The following VPS13D variants were observed in gnomAD, a reference collection of about 807,000 sequenced individuals.
VPS13D encodes intermembrane lipid transfer protein VPS13D.
Under a neutral mutation model 461.9 loss-of-function variants are expected in VPS13D, and 187 were observed. The ratio of observed to expected loss-of-function variants is 0.40; its 90% CI spans 0.36 to 0.46. The LOEUF is 0.46. VPS13D is among the 20% of genes least tolerant of loss of function. The pLI, the probability that VPS13D is intolerant of heterozygous loss-of-function variation, is 0.60. For synonymous variants in VPS13D, 1,951 were observed against 1,986.3 expected (o/e 0.98, Z 0.47); for missense variants, 4,711 against 5,364.9 (o/e 0.88, Z 3.81).
intron 65 of VPS13D, among the ~76,000 whole-genome samples, chr1:12,447,332 C>G (rs891228012): frequency 4.6e-5 from 7 of 152,162 alleles, no homozygotes; most frequent in African/African-American, 1.7e-4. Context: ...TGGAAATGCT[C>G]ATGGTCTTTC....
At chr1:12,315,046 A>G (rs943296790) in intron 30 of VPS13D, among the ~76,000 whole-genome samples, 1 of 152,226 alleles carries the variant, frequency 6.6e-6, no homozygotes, top group African/African-American at 2.4e-5. Context: ...ATGCTGATAT[A>G]ACATGTTGTT....
Position 12,310,047 on chromosome 1 carries a change from G to A in VPS13D, c.6650+1406G>A, listed in dbSNP as rs1339885913. Among the ~76,000 whole-genome samples the A allele has an allele frequency of 2.6e-5, 4 of 151,532 alleles. No homozygotes were observed. In the East Asian group the frequency reaches 7.7e-4, roughly 29 times the overall value. The stretch of plus-strand genomic sequence containing the variant: ...GCTAAGCAGTCTTAAGAGGAGCTTC[G>A]TTATTTAGAAATTGAACACTTTGTT... On this transcript the variant is annotated intron_variant, in intron 27 of 69. Transcript: ENST00000620676.
intron 65 of VPS13D, among the ~76,000 whole-genome samples, chr1:12,420,478 T>C (rs762686490): frequency 1.3e-4 from 20 of 152,264 alleles, no homozygotes; most frequent in Non-Finnish European, 2.1e-4. Flanking sequence ...CACTGCACTT[T>C]ACTGCAAAGA....
chr1:12,399,305 T>G (rs1002601815), intron 60 of VPS13D, among the ~76,000 whole-genome samples: 5 of 151,584 alleles, frequency 3.3e-5, no homozygotes, highest in African/African-American at 1.2e-4. Flanking sequence ...CAAGTGATTC[T>G]CCTGCCTCAG....
At chr1:12,438,886 G>A (rs1335092389) in intron 65 of VPS13D, among the ~76,000 whole-genome samples, 1 of 152,156 alleles carries the variant, frequency 6.6e-6, no homozygotes, top group African/African-American at 2.4e-5. Context: ...TCTGCCAGTT[G>A]CTCAAATACT....
intron 36 of VPS13D, 28 bp from the exon 37 acceptor site, chr1:12,329,801 G>T: frequency 6.2e-7 from 1 of 1,604,558 alleles, no homozygotes; most frequent in African/African-American, 1.3e-5. Context: ...CTGCCCTGCC[G>T]CTGCAGTAAG....
At chr1:12,242,164 A>T (rs562405058) in intron 2 of VPS13D, among the ~76,000 whole-genome samples, 1 of 152,238 alleles carries the variant, frequency 6.6e-6, no homozygotes, top group East Asian at 1.9e-4. Flanking sequence ...CTTGGTCTGA[A>T]CTCTTCATCA....
chr1:12,378,866 G>A (rs978800506), intron 56 of VPS13D, among the ~76,000 whole-genome samples: 4 of 152,142 alleles, frequency 2.6e-5, no homozygotes, highest in African/African-American at 9.7e-5. Flanking sequence ...ATTCCAGTCC[G>A]TCCTTATTCT....
intron 60 of VPS13D, among the ~76,000 whole-genome samples, chr1:12,391,006 A>G (rs371570358): frequency 1.2e-3 from 177 of 152,278 alleles, no homozygotes; most frequent in African/African-American, 4.1e-3. Context: ...GTTTTTGACC[A>G]CTCAGAGAGG....
At chr1:12,251,639 T>C (rs1247217428) in intron 6 of VPS13D, among the ~76,000 whole-genome samples, 2 of 152,202 alleles carry the variant, frequency 1.3e-5, no homozygotes, top group East Asian at 1.9e-4. Context: ...GGCTCATACT[T>C]GAGACACTCA....
chr1:12,271,234 T>A, intron 17 of VPS13D, 110 bp downstream of exon 17: 1 of 1,333,394 alleles, frequency 7.5e-7, no homozygotes, highest in Non-Finnish European at 1.0e-6. Context: ...TTATGCTGAC[T>A]GAGTAAACTG....
At chr1:12,327,556 C>G in intron 35 of VPS13D, 92 bp from the exon 36 acceptor site, 2 of 1,130,260 alleles carry the variant, frequency 1.8e-6, no homozygotes, top group Non-Finnish European at 2.4e-6. Flanking sequence ...CCCAGTAGGT[C>G]TCTAGAGAAT....
rs538874365 is a variant in VPS13D, at chr1:12,363,260, C to T, written c.10448+13C>T. ...ATATCAACATGAGGTAAGTTTGAGA[C>T]TCTAAATATAGACAAAAAGGTAGCC... On this transcript the variant is annotated intron_variant, in intron 52 of 69. Transcript: ENST00000620676. 6.2e-7 allele frequency: 1 copy of T among 1,612,758 alleles called. No individual in the cohort carries two copies. Among genetic ancestry groups the T allele is most frequent in the Non-Finnish European group, 8.5e-7 (1 of 1,179,172 alleles).
chr1:12,273,098 C>G lies in VPS13D; in HGVS notation c.2199C>G (p.Val733=). ...AATTCAAGAATCCTGTGTTAGTTGT[C>G]GTGGATCTAGGAAGAATGCTTTTGA... ...DFKFKNPVLV[V]VDLGRMLLTN... The change falls in exon 18 of 70, where the codon GTC becomes GTG. Residue 733 remains valine (V), a synonymous_variant. Transcript: ENST00000620676. 6.2e-7 allele frequency: 1 copy of G among 1,613,966 alleles called. No homozygotes were observed. The highest frequency in any genetic ancestry group is 8.5e-7 in the Non-Finnish European group (1 of 1,179,986).
At chr1:12,354,732 T>C (rs1259881800) in intron 47 of VPS13D, among the ~76,000 whole-genome samples, 1 of 152,194 alleles carries the variant, frequency 6.6e-6, no homozygotes, top group Non-Finnish European at 1.5e-5. Flanking sequence ...AGTATAAACG[T>C]TTGCTAAGCA....
intron 67 of VPS13D, among the ~76,000 whole-genome samples, chr1:12,476,871 A>T (rs1645637338): frequency 6.6e-6 from 1 of 152,362 alleles, no homozygotes; most frequent in Non-Finnish European, 1.5e-5. Flanking sequence ...CTCCAAACAC[A>T]GTAGACAAGG....
chr1:12,329,016 C>A (rs560337562), intron 36 of VPS13D, among the ~76,000 whole-genome samples: 7 of 152,260 alleles, frequency 4.6e-5, no homozygotes, highest in Non-Finnish European at 4.4e-5. Context: ...ATCTAGGGCA[C>A]CACCAGGGCT....
rs1238721217 is a variant in VPS13D, at chr1:12,505,056, A to G, written c.12795-1797A>G. Among the ~76,000 whole-genome samples, 1 of 152,142 alleles carries G rather than the reference A, an allele frequency of 6.6e-6. No homozygotes were observed. Among genetic ancestry groups the G allele is most frequent in the Non-Finnish European group, 1.5e-5 (1 of 68,028 alleles). On this transcript the variant is annotated intron_variant, in intron 68 of 69. Transcript: ENST00000620676. The surrounding 1 kb of genome is among the most constrained non-coding windows in gnomAD (Gnocchi z 4.2). ...CATGCACATTCCTGCTGTCATCCCA[A>G]TCATGGTGGCCAACTTTGGAGTCTC...
chr1:12,271,694 G>A (rs1040261247), intron 17 of VPS13D, among the ~76,000 whole-genome samples: 2 of 151,822 alleles, frequency 1.3e-5, no homozygotes, highest in Non-Finnish European at 1.5e-5. Context: ...AAAAAGACTC[G>A]TGTTTGTTCC....
Sources: gnomAD v4.1 joint callset for allele counts (sites outside exome capture counted in the v4.1 genomes callset) on GRCh38, gnomAD v4.1.1 for gene constraint, Gnocchi (gnomAD v3.1) non-coding constraint, MANE v1.5 for transcripts, NCBI Gene and HGNC (gene_info 2026-07-23, HGNC 2026-07-21) for gene names.